The following RFC5 variants were observed in gnomAD, a reference collection of about 807,000 sequenced individuals.
RFC5 encodes the protein A1 36 kDa subunit.
In RFC5, 26 loss-of-function variants were observed where a neutral mutation model predicts 44.3. That is an observed-to-expected ratio of 0.59 (90% CI 0.43 to 0.81). RFC5 has a LOEUF of 0.81. RFC5 is among the 40% of genes least tolerant of loss of function. The pLI is 0.00. For synonymous variants in RFC5, 155 were observed against 155.2 expected (o/e 1.00, Z 0.01); for missense variants, 328 against 418.6 (o/e 0.78, Z 1.89).
intron 10 of RFC5, 40 bp from the exon 11 acceptor site, chr12:118,031,142 T>C: frequency 7.1e-7 from 1 of 1,412,368 alleles, no homozygotes; most frequent in Non-Finnish European, 1.0e-6. Flanking sequence ...GCAGCTGTGT[T>C]TGGTGTCTTT....
At position 118,027,005 on chromosome 12, in the gene RFC5, C is replaced by G; in HGVS notation, c.780C>G (p.Thr260=). The change falls in exon 8 of 11, where the codon ACC becomes ACG. Residue 260 remains threonine, a synonymous_variant. Coordinates refer to ENST00000454402, the MANE Select transcript of RFC5 (RefSeq NM_007370.7). Reference sequence around the variant, plus strand: ...ACTGGATGTTGAATCAAGATTTCACCACAGCCTACAGAAGTATCCTTTCTC... The same window carrying G: ...ACTGGATGTTGAATCAAGATTTCACGACAGCCTACAGAAGTATCCTTTCTC... ...ILDWMLNQDF[T]TAYRNITELK... is the part of the protein sequence containing the mutation. 12 of 1,613,104 alleles carry G rather than the reference C, an allele frequency of 7.4e-6. No homozygotes were observed. The highest frequency in any genetic ancestry group is 1.0e-5 in the Non-Finnish European group (12 of 1,179,950).
intron 9 of RFC5, among the ~76,000 whole-genome samples, chr12:118,028,801 C>T (rs1381306541): frequency 6.6e-6 from 1 of 152,142 alleles, no homozygotes; most frequent in Non-Finnish European, 1.5e-5. Flanking sequence ...AATTGGTTCT[C>T]AACCTTGGCA....
At chr12:118,035,475 A>G, downstream of RFC5, 2 of 656,028 alleles carry the variant, frequency 3.0e-6, no homozygotes, top group South Asian at 3.8e-5. Flanking sequence ...GGATTTGCAC[A>G]CTGGGAAAAA....
chr12:118,035,068 G>A, downstream of RFC5: 1 of 1,614,208 alleles, frequency 6.2e-7, no homozygotes, highest in Non-Finnish European at 8.5e-7. Flanking sequence ...GGAGTTTTCA[G>A]TTCCAGGGCC....
chr12:118,040,862 A>T, the RFC5 span, among the ~76,000 whole-genome samples: 1 of 152,186 alleles, frequency 6.6e-6, no homozygotes, highest in East Asian at 1.9e-4. Context: ...AGCCTGGCCA[A>T]CGTGGTGAAA....
chr12:118,020,151 T>C (rs5745817), intron 3 of RFC5, among the ~76,000 whole-genome samples: 5,809 of 152,220 alleles, frequency 0.038, 308 homozygotes, highest in African/African-American at 0.11. Flanking sequence ...TGGCTCCTGG[T>C]TGGGTTTGGC....
intron 5 of RFC5, among the ~76,000 whole-genome samples, chr12:118,024,283 G>C (rs1027123800): frequency 6.6e-6 from 1 of 151,756 alleles, no homozygotes; most frequent in Admixed American, 6.5e-5. Context: ...AGAGGTTGCA[G>C]GGAGCCAAGA....
At chr12:118,037,680 AAAG>A (rs1242730711), downstream of RFC5, among the ~76,000 whole-genome samples, 3 of 149,872 alleles carry the variant, frequency 2.0e-5, no homozygotes, top group African/African-American at 7.5e-5. Context: ...AAAAAAAAAA[AAAG>A]AAAAGAAAAG....
Position 118,029,757 on chromosome 12 carries a change from TG to T in RFC5, c.872-13del, listed in dbSNP as rs749783368. The T allele has an allele frequency of 6.3e-7, 1 of 1,590,330 alleles. No homozygotes were observed. Among genetic ancestry groups the T allele is most frequent in the East Asian group, 2.2e-5 (1 of 44,740 alleles). Reference sequence around the variant, plus strand: ...GAGAGTGACCTAACTCATTTGATTTTGTTTTTCCCTCAGTTGACTTTCCATC... The same window carrying T: ...GAGAGTGACCTAACTCATTTGATTTTTTTTTCCCTCAGTTGACTTTCCATC... On this transcript the variant is annotated splice_polypyrimidine_tract_variant and intron_variant, in intron 9 of 10. Coordinates refer to ENST00000454402, the MANE Select transcript of RFC5 (RefSeq NM_007370.7).
intron 9 of RFC5, among the ~76,000 whole-genome samples, 182 bp from the exon 10 acceptor site, chr12:118,029,589 G>A (rs2031179628): frequency 1.3e-5 from 2 of 152,146 alleles, no homozygotes; most frequent in Admixed American, 1.3e-4. Context: ...ACAAAATCGA[G>A]TGGGTAAAAA....
downstream of RFC5, chr12:118,036,189 G>A (rs1325088113): frequency 2.0e-5 from 19 of 956,578 alleles, no homozygotes; most frequent in Admixed American, 2.1e-4. Flanking sequence ...GTGACAGAGC[G>A]AGACTCCGTC....
intron 6 of RFC5, 70 bp downstream of exon 6, chr12:118,025,080 G>A (rs940214038): frequency 9.5e-6 from 14 of 1,466,700 alleles, no homozygotes; most frequent in African/African-American, 7.0e-5. Flanking sequence ...TGGCTGGTTC[G>A]TATGTAGAGG....
Position 118,019,185 on chromosome 12 carries a change from TA to T in RFC5, c.130+52del. The T allele has an allele frequency of 7.4e-7, 1 of 1,345,458 alleles. No homozygotes were observed. The highest frequency in any genetic ancestry group is 2.3e-5 in the East Asian group (1 of 43,632). 83.3% of individuals were successfully genotyped at this position (1,345,458 alleles called of 1,614,324 possible). Reference sequence around the variant, plus strand: ...TCTTGTCCTGCTTGAGCGACTTGTATAAATTGCTTGGTGATGTTGTCTCTCC... The same window carrying T: ...TCTTGTCCTGCTTGAGCGACTTGTATAATTGCTTGGTGATGTTGTCTCTCC... On this transcript the variant is annotated intron_variant, in intron 2 of 10. Coordinates refer to ENST00000454402, the MANE Select transcript of RFC5 (RefSeq NM_007370.7). This position sits in a 1 kb window ranked among gnomAD's most constrained non-coding sequence, Gnocchi z 4.2.
chr12:118,018,104 C>G (rs977721062), intron 1 of RFC5: 1 of 680,814 alleles, frequency 1.5e-6, no homozygotes, highest in South Asian at 1.6e-5. Flanking sequence ...TTCTTTCACT[C>G]AGGATCATGT....
chr12:118,036,597 C>T, downstream of RFC5: 1 of 1,352,662 alleles, frequency 7.4e-7, no homozygotes, highest in South Asian at 1.4e-5. Context: ...ACCACCAAAT[C>T]TGCAGGCCCT....
intron 8 of RFC5, 60 bp from the exon 9 acceptor site, chr12:118,027,893 A>G (rs1360402348): frequency 9.4e-7 from 1 of 1,063,426 alleles, no homozygotes; most frequent in East Asian, 2.4e-5. Context: ...TTTGGATTCA[A>G]AATTCTCTGC....
chr12:118,038,446 G>A, the RFC5 span: 2 of 1,530,884 alleles, frequency 1.3e-6, no homozygotes, highest in South Asian at 1.2e-5. Context: ...GAAGACTGGA[G>A]AACGGGAGAA....
intron 5 of RFC5, 35 bp downstream of exon 5, chr12:118,022,394 G>A (rs1321939846): frequency 2.2e-6 from 3 of 1,393,196 alleles, no homozygotes; most frequent in African/African-American, 1.4e-5. Context: ...TTGGGCTGGT[G>A]TGCACACTGG....
chr12:118,028,490 AAAAAC>A (rs1410732973), intron 9 of RFC5, among the ~76,000 whole-genome samples: 7 of 151,246 alleles, frequency 4.6e-5, no homozygotes, highest in Middle Eastern at 3.4e-3. Context: ...TCTCAAAAAA[AAAAAC>A]AAAACAAAAC....
Sources: allele counts gnomAD v4.1 joint callset (sites outside exome capture counted in the v4.1 genomes callset), GRCh38; gene constraint gnomAD v4.1.1; non-coding constraint Gnocchi (gnomAD v3.1); transcripts MANE v1.5; gene names NCBI Gene and HGNC (gene_info 2026-07-23, HGNC 2026-07-21).